CPT1C: variants seen among roughly 807,000 people sequenced by gnomAD.
CPT1C encodes the protein carnitine palmitoyltransferase 1C, also known as palmitoyl thioesterase CPT1C.
A neutral mutation model predicts 97.3 loss-of-function variants in CPT1C; 61 were observed. The observed-to-expected ratio is 0.63, with a 90% CI of 0.51 to 0.78. The LOEUF is 0.78. Ranked by LOEUF, CPT1C falls within the 30% of genes least tolerant of loss-of-function variation. The pLI, the probability that CPT1C is intolerant of heterozygous loss-of-function variation, is 0.00. For missense variants in CPT1C, 975 were observed against 1,065.5 expected, an observed-to-expected ratio of 0.92 and a Z score of 1.18; for synonymous variants, 469 against 447.2, an observed-to-expected ratio of 1.05 and a Z score of -0.61.
chr19:49,693,376 G>A (rs536033279), intron 3 of CPT1C, among the ~76,000 whole-genome samples: 21 of 152,206 alleles, frequency 1.4e-4, no homozygotes, highest in Non-Finnish European at 2.1e-4. Flanking sequence ...TGACTCCACC[G>A]CTTAGTAGCT....
At chr19:49,707,023 T>C (rs2083538391) in intron 12 of CPT1C, among the ~76,000 whole-genome samples, 1 of 151,848 alleles carries the variant, frequency 6.6e-6, no homozygotes, top group South Asian at 2.1e-4. Context: ...GCCTGTAGTC[T>C]CAGCACTTTG....
At chr19:49,699,306 G>A (rs2082854503) in intron 4 of CPT1C, among the ~76,000 whole-genome samples, 1 of 151,170 alleles carries the variant, frequency 6.6e-6, no homozygotes, top group Admixed American at 6.6e-5. Context: ...TGGCCCCAAA[G>A]AACAGACCCA....
chr19:49,710,375 T>G lies in CPT1C; in HGVS notation c.1622T>G (p.Val541Gly), dbSNP rs1364278925. 1.9e-6 allele frequency: 3 copies of G among 1,614,144 alleles called. No individual in the cohort carries two copies. In the Admixed American group the frequency reaches 5.0e-5, roughly 27 times the overall value. The change falls in exon 15 of 20, where the codon GTC becomes GGC. Residue 541 changes from valine to glycine, a missense_variant. Val to Gly is a moderately radical substitution (Grantham distance 109, BLOSUM62 -3). Around this residue, in one of 3 missense-constraint regions of CPT1C, gnomAD observed 344 missense variants for 395.7 expected, o/e 0.87. Transcript: ENST00000598293. ...GGAGCCAAGATCTTGTCTGAAAATG[T>G]CGACTGCCATGTCGTTCCATTCTCC... is the stretch of plus-strand genomic sequence containing the variant. ...LRGAKILSEN[V>G]DCHVVPFSLF...
chr19:49,713,590 A>G lies in CPT1C; in HGVS notation c.2397A>G (p.Thr799=). Residue 799 remains threonine (T), a synonymous_variant, in exon 20 of 20, where the codon ACA becomes ACG. Transcript: ENST00000598293. ...RQTGASKASM[T]STDF ...CTGGGGCCTCCAAGGCCTCAATGACATCCACCGACTTCTGACTCCTTCCAG... is the reference window on the plus strand; with the variant it reads ...CTGGGGCCTCCAAGGCCTCAATGACGTCCACCGACTTCTGACTCCTTCCAG... 1.2e-6 allele frequency: 2 copies of G among 1,610,932 alleles called. No homozygotes were observed. Among genetic ancestry groups the G allele is most frequent in the Non-Finnish European group, 1.7e-6 (2 of 1,178,600 alleles).
At chr19:49,696,300 G>A (rs992882086) in intron 3 of CPT1C, among the ~76,000 whole-genome samples, 1 of 151,890 alleles carries the variant, frequency 6.6e-6, no homozygotes, top group African/African-American at 2.4e-5. Flanking sequence ...CTCATTAAAC[G>A]TTAGTTATCT....
At chr19:49,699,028 G>A (rs1419924857) in intron 4 of CPT1C, among the ~76,000 whole-genome samples, 2 of 151,958 alleles carry the variant, frequency 1.3e-5, no homozygotes, top group African/African-American at 4.8e-5. Context: ...GTTTGAACCT[G>A]GGAGGCGGAG....
At chr19:49,702,023 AATT>A (rs72216446) in intron 7 of CPT1C, among the ~76,000 whole-genome samples, 1,263 of 3,052 alleles carry the variant, frequency 0.41, 148 homozygotes, top group Admixed American at 0.43. Context: ...TTTATTTATA[AATT>A]ATAAATATAT....
Position 49,700,803 on chromosome 19 carries a change from G to A in CPT1C, c.401G>A (p.Gly134Asp). 1 of 1,613,346 alleles carries A rather than the reference G, an allele frequency of 6.2e-7. No homozygotes were observed. Among genetic ancestry groups the A allele is most frequent in the Non-Finnish European group, 8.5e-7 (1 of 1,180,024 alleles). ...CTGAGGCTGCTTCTGTCCTACCACG[G>A]CTGGCTTCTTGAGCCCCACGGAGCC... Reference protein sequence around the residue: ...VALRLLLSYHGWLLEPHGAMS... With the variant: ...VALRLLLSYHDWLLEPHGAMS... The change falls in exon 5 of 20, where the codon GGC becomes GAC. Residue 134 changes from glycine to aspartate, a missense_variant. Transcript: ENST00000598293.
Position 49,707,499 on chromosome 19 carries a change from T to A in CPT1C, c.1344-19T>A. On this transcript the variant is annotated intron_variant, in intron 12 of 19. Transcript: ENST00000598293. ...CGTGCCCCTCGCTCTTGGTGACCCA[T>A]CTGAACTCTCCCTGACAGCTGGTTT... The A allele has an allele frequency of 1.3e-6, 2 of 1,599,886 alleles. No homozygotes were observed. The highest frequency in any genetic ancestry group is 1.7e-6 in the Non-Finnish European group (2 of 1,167,628).
In CPT1C at chr19:49,701,527, G is replaced by A. The variant is rs778311507; in HGVS notation, c.586G>A (p.Asp196Asn). Residue 196 changes from aspartate to asparagine, a missense_variant, in exon 7 of 20, where the codon GAC becomes AAC. Physicochemically the swap from Asp to Asn is conservative, Grantham distance 23. Coordinates refer to ENST00000598293, the MANE Select transcript of CPT1C (RefSeq NM_001199753.2). ...GGAGTCGGTCCGGCCCATCCTCTCC[G>A]ACGAGGACTTCGACTGGACCGCGGT... is the stretch of plus-strand genomic sequence containing the variant. ...YLESVRPILSDEDFDWTAVLA... is the reference protein window; with the variant it reads ...YLESVRPILSNEDFDWTAVLA... The A allele has an allele frequency of 1.9e-6, 3 of 1,611,530 alleles. No homozygotes were observed. Among genetic ancestry groups the A allele is most frequent in the Non-Finnish European group, 2.5e-6 (3 of 1,178,492 alleles).
At chr19:49,698,611 C>A (rs900260030) in intron 4 of CPT1C, among the ~76,000 whole-genome samples, 1 of 150,642 alleles carries the variant, frequency 6.6e-6, no homozygotes, top group Non-Finnish European at 1.5e-5. Flanking sequence ...TGCGGTGAGT[C>A]GAAATTGTGC....
Position 49,706,089 on chromosome 19 carries a change from T to G in CPT1C, c.1145T>G (p.Leu382Arg). 1 of 1,613,390 alleles carries G rather than the reference T, an allele frequency of 6.2e-7. No homozygotes were observed. The highest frequency in any genetic ancestry group is 8.5e-7 in the Non-Finnish European group (1 of 1,179,578). The part of the protein sequence containing the change: ...ACPHEEHLAA[L>R]TAAPRGTWAQ... ...CCCCACGAGGAACATCTGGCAGCTC[T>G]GACAGCTGCTCCCAGGTAAGGGTCA... The change falls in exon 11 of 20, where the codon CTG (leucine) becomes CGG (arginine). Residue 382 changes from leucine (L) to arginine (R), a missense_variant. Transcript: ENST00000598293. This position sits in a 1 kb window ranked among gnomAD's most constrained non-coding sequence, Gnocchi z 4.8.
intron 4 of CPT1C, among the ~76,000 whole-genome samples, chr19:49,698,157 G>A (rs538796337): frequency 3.3e-5 from 5 of 151,896 alleles, no homozygotes; most frequent in African/African-American, 4.8e-5. Context: ...TTGAGCCCAG[G>A]AGTTTGAGAC....
At chr19:49,701,058 T>G (rs12982459) in intron 5 of CPT1C, among the ~76,000 whole-genome samples, 6,166 of 89,398 alleles carry the variant, frequency 0.069, 384 homozygotes, top group Non-Finnish European at 0.098. Flanking sequence ...TCTCTCTCTG[T>G]GTCTCCGTCC....
intron 3 of CPT1C, among the ~76,000 whole-genome samples, chr19:49,694,080 AAAATAAAAAATAAATAAAT>A (rs1474271396): frequency 3.2e-4 from 46 of 145,398 alleles, no homozygotes; most frequent in African/African-American, 9.8e-4. Flanking sequence ...AAAATAAAAT[AAAATAAAAAATAAATAAAT>A]AAATAAATAA....
In CPT1C at chr19:49,706,428, G is replaced by A. The variant is rs780960666; in HGVS notation, c.1343+15G>A. 16 of 1,455,972 alleles carry A rather than the reference G, an allele frequency of 1.1e-5. No individual in the cohort carries two copies. Among genetic ancestry groups the A allele is most frequent in the Non-Finnish European group, 1.3e-5 (15 of 1,112,860 alleles). 90.2% of individuals were successfully genotyped at this position (1,455,972 alleles called of 1,614,324 possible). On this transcript the variant is annotated intron_variant, in intron 12 of 19. Transcript: ENST00000598293. The surrounding 1 kb of genome is among the most constrained non-coding windows in gnomAD (Gnocchi z 4.8). ...GGCCATGATCGGTGAGTGAGTCTTG[G>A]GATGGGGCCCCCAGATGTGGCACCC...
At chr19:49,692,093 T>TG (rs1042459874) in intron 2 of CPT1C, 146 bp from the exon 3 acceptor site, 4 of 650,566 alleles carry the variant, frequency 6.1e-6, no homozygotes, top group Non-Finnish European at 9.4e-6. Flanking sequence ...GAGGAGGGGC[T>TG]GGGGGCCTGG....
In CPT1C at chr19:49,701,355, G is replaced by C; in HGVS notation, c.492G>C (p.Leu164=). The C allele has an allele frequency of 2.5e-6, 4 of 1,613,618 alleles. No homozygotes were observed. Among genetic ancestry groups the C allele is most frequent in the Non-Finnish European group, 3.4e-6 (4 of 1,179,956 alleles). ...VRIFSGRHPM[L]FSYQRSLPRQ... ...TCTTCTCTGGCCGCCACCCGATGCTGTTCAGTTACCAGCGCTCCCTGCCAC... is the reference window on the plus strand; with the variant it reads ...TCTTCTCTGGCCGCCACCCGATGCTCTTCAGTTACCAGCGCTCCCTGCCAC... The change falls in exon 6 of 20, where the codon CTG becomes CTC. Residue 164 remains leucine, a synonymous_variant. Coordinates refer to ENST00000598293, the MANE Select transcript of CPT1C (RefSeq NM_001199753.2).
At position 49,706,001 on chromosome 19, in the gene CPT1C, C is replaced by A. The variant is rs559055825; in HGVS notation, c.1057C>A (p.Leu353Ile). 1 of 1,614,102 alleles carries A rather than the reference C, an allele frequency of 6.2e-7. No individual in the cohort carries two copies. Among genetic ancestry groups the A allele is most frequent in the Admixed American group, 1.7e-5 (1 of 60,012 alleles). The change falls in exon 11 of 20, where the codon CTT (leucine) becomes ATT (isoleucine). Residue 353 changes from leucine (L) to isoleucine (I), a missense_variant. Physicochemically the swap from Leu to Ile is conservative, Grantham distance 5. Transcript: ENST00000598293. This position sits in a 1 kb window ranked among gnomAD's most constrained non-coding sequence, Gnocchi z 4.8. ...GGGGACCCACTCCCGAAACAGCCTG[C>A]TTTCCCCGAGAGCCCTGGAGCAGCA... The part of the protein sequence containing the change: ...RMGTHSRNSL[L>I]SPRALEQQFQ...
Sources: gnomAD v4.1 joint callset for allele counts (sites outside exome capture counted in the v4.1 genomes callset) on GRCh38, gnomAD v4.1.1 for gene constraint, gnomAD v4.1.1 regional missense constraint, Gnocchi (gnomAD v3.1) non-coding constraint, MANE v1.5 for transcripts, NCBI Gene and HGNC (gene_info 2026-07-23, HGNC 2026-07-21) for gene names.